MEIS2: variants seen among roughly 807,000 people sequenced by gnomAD.
The protein encoded by MEIS2 is homeobox protein Meis2.
Under a neutral mutation model 58.6 loss-of-function variants are expected in MEIS2, and 9 were observed. The ratio of observed to expected loss-of-function variants is 0.15; its 90% CI spans 0.09 to 0.27. MEIS2 has a LOEUF of 0.27. Ranked by LOEUF, MEIS2 falls within the 10% of genes least tolerant of loss-of-function variation. MEIS2 has a pLI of 1.00. For synonymous variants in MEIS2, 221 were observed against 228.4 expected (o/e 0.97, Z 0.29); for missense variants, 427 against 635.0 (o/e 0.67, Z 3.52).
intron 8 of MEIS2, among the ~76,000 whole-genome samples, chr15:36,957,522 T>C (rs2059023921): frequency 6.6e-6 from 1 of 152,168 alleles, no homozygotes; most frequent in South Asian, 2.1e-4. Context: ...TCATAGTTCA[T>C]TCAAACAGTG....
At chr15:36,976,012 A>AT (rs1332127750) in intron 8 of MEIS2, among the ~76,000 whole-genome samples, 1 of 152,178 alleles carries the variant, frequency 6.6e-6, no homozygotes, top group East Asian at 1.9e-4. Flanking sequence ...AAAATAAACA[A>AT]TTTTTTAAAG....
At chr15:37,018,084 A>G (rs1293599204) in intron 8 of MEIS2, among the ~76,000 whole-genome samples, 1 of 152,186 alleles carries the variant, frequency 6.6e-6, no homozygotes, top group Non-Finnish European at 1.5e-5. Context: ...TTACAAAGAT[A>G]AGAAATGGAG....
intron 8 of MEIS2, among the ~76,000 whole-genome samples, chr15:37,024,103 G>C (rs776359781): frequency 8.6e-5 from 13 of 151,712 alleles, no homozygotes; most frequent in Non-Finnish European, 1.6e-4. Context: ...TCACTATGTT[G>C]GCCAGGTTGG....
intron 8 of MEIS2, among the ~76,000 whole-genome samples, chr15:37,005,178 C>T (rs8035482): frequency 0.96 from 145,616 of 152,344 alleles, 69,924 homozygotes; most frequent in East Asian, 1. Flanking sequence ...TGTTCATTAA[C>T]GCATGCCCTC....
chr15:36,991,706 TAAAGC>T (rs2060281896), intron 8 of MEIS2, among the ~76,000 whole-genome samples: 2 of 150,244 alleles, frequency 1.3e-5, no homozygotes, highest in African/African-American at 4.9e-5. Context: ...TATTAACTCT[TAAAGC>T]TATCAGGCTA....
At chr15:37,014,780 A>C (rs1183450890) in intron 8 of MEIS2, among the ~76,000 whole-genome samples, 2 of 152,040 alleles carry the variant, frequency 1.3e-5, no homozygotes, top group Non-Finnish European at 2.9e-5. Flanking sequence ...CCAAACAGGA[A>C]AGGGCCTTAG....
chr15:36,894,727 C>T (rs1204373771), intron 11 of MEIS2: 5 of 1,612,466 alleles, frequency 3.1e-6, no homozygotes, highest in Admixed American at 1.7e-5. Context: ...TTCCCCCTTG[C>T]TTTGCGATTG....
At position 36,952,174 on chromosome 15, in the gene MEIS2, G is replaced by T. The variant is rs80194149; in HGVS notation, c.901-1774C>A. Among the ~76,000 whole-genome samples, 882 of 152,168 alleles carry T rather than the reference G, an allele frequency of 5.8e-3. 8 individuals carry two copies. The highest frequency in any genetic ancestry group is 0.02 in the African/African-American group (822 of 41,520). ...ACAAGAAGGATTGCTCATCACTGAC[G>T]CCAGTGTGGCTTCAAACTGGAAAAG... is the stretch of plus-strand genomic sequence containing the variant. On this transcript the variant is annotated intron_variant, in intron 8 of 11. Coordinates refer to ENST00000561208, the MANE Select transcript of MEIS2 (RefSeq NM_170675.5).
chr15:37,079,381 T>C (rs1333369324), intron 7 of MEIS2, among the ~76,000 whole-genome samples: 1 of 152,032 alleles, frequency 6.6e-6, no homozygotes, highest in Non-Finnish European at 1.5e-5. Flanking sequence ...CATATTGTAT[T>C]TAGGGTTATT....
intron 9 of MEIS2, among the ~76,000 whole-genome samples, chr15:36,909,544 G>A (rs369709688): frequency 2.0e-5 from 3 of 152,114 alleles, no homozygotes; most frequent in African/African-American, 4.8e-5. Context: ...GCCCTGGAGC[G>A]GGACAGAACT....
At chr15:37,041,173 G>A (rs1415524950) in intron 7 of MEIS2, among the ~76,000 whole-genome samples, 1 of 152,188 alleles carries the variant, frequency 6.6e-6, no homozygotes, top group Non-Finnish European at 1.5e-5. Flanking sequence ...ATAGAACATT[G>A]GCTCTGTGCA....
At chr15:36,949,200 G>GAA (rs11406464) in intron 9 of MEIS2, among the ~76,000 whole-genome samples, 73 of 147,952 alleles carry the variant, frequency 4.9e-4, no homozygotes, top group African/African-American at 1.4e-3. Flanking sequence ...ACTTCCCTGG[G>GAA]AAAAAAAAAA....
chr15:37,022,854 A>G (rs1174505209), intron 8 of MEIS2, among the ~76,000 whole-genome samples: 1 of 151,320 alleles, frequency 6.6e-6, no homozygotes, highest in Non-Finnish European at 1.5e-5. Flanking sequence ...ACGGGGTTTC[A>G]CCATCTTGGC....
intron 8 of MEIS2, among the ~76,000 whole-genome samples, chr15:36,988,112 G>A (rs1365119815): frequency 1.3e-5 from 2 of 152,130 alleles, no homozygotes; most frequent in African/African-American, 4.8e-5. Flanking sequence ...GAGTAGATTT[G>A]AGGTTCTCTT....
At chr15:36,904,227 G>A (rs1298284393) in intron 9 of MEIS2, among the ~76,000 whole-genome samples, 4 of 152,126 alleles carry the variant, frequency 2.6e-5, no homozygotes, top group Non-Finnish European at 5.9e-5. Flanking sequence ...ACATCAACAA[G>A]CTCTGACAAC....
intron 9 of MEIS2, among the ~76,000 whole-genome samples, chr15:36,905,396 A>AT (rs2056681471): frequency 6.6e-6 from 1 of 151,848 alleles, no homozygotes; most frequent in Admixed American, 6.6e-5. Context: ...GGGAACAGAG[A>AT]TTTTTCTCAC....
intron 9 of MEIS2, among the ~76,000 whole-genome samples, chr15:36,906,082 G>C (rs2056719763): frequency 6.6e-6 from 1 of 152,208 alleles, no homozygotes; most frequent in Non-Finnish European, 1.5e-5. Flanking sequence ...CACCAGTCCA[G>C]ACCGGGGCCG....
At chr15:36,985,946 T>C (rs940093) in intron 8 of MEIS2, among the ~76,000 whole-genome samples, 56,521 of 152,082 alleles carry the variant, frequency 0.37, 11,449 homozygotes, top group Middle Eastern at 0.57. Flanking sequence ...GAGTGGAAGC[T>C]CTACATGCCT....
At chr15:36,962,112 G>A (rs2141432226) in intron 8 of MEIS2, among the ~76,000 whole-genome samples, 1 of 152,260 alleles carries the variant, frequency 6.6e-6, no homozygotes, top group East Asian at 1.9e-4. Context: ...TCTGACAGCT[G>A]GTGCCTGTTA....
Sources: allele counts gnomAD v4.1 joint callset (sites outside exome capture counted in the v4.1 genomes callset), GRCh38; gene constraint gnomAD v4.1.1; transcripts MANE v1.5; gene names NCBI Gene and HGNC (gene_info 2026-07-23, HGNC 2026-07-21).